Variants in PUDP observed in about 807,000 individuals in gnomAD.
The protein encoded by PUDP is pseudouridine-5'-phosphatase.
A neutral mutation model predicts 9.4 loss-of-function variants in PUDP; 8 were observed. That is an observed-to-expected ratio of 0.85 (90% CI 0.50 to 1.53). PUDP has a LOEUF of 1.53. Among genes scored for constraint, PUDP ranks in the 40% most tolerant of loss-of-function variants. The pLI is 0.00. For synonymous variants in PUDP, 99 were observed against 80.7 expected, an observed-to-expected ratio of 1.23 and a Z score of -1.22; for missense variants, 188 against 189.7, an observed-to-expected ratio of 0.99 and a Z score of 0.05.
intron 1 of PUDP, among the ~76,000 whole-genome samples, chrX:7,115,950 G>C (rs995855785): frequency 8.9e-6 from 1 of 112,526 alleles, no homozygotes; most frequent in Non-Finnish European, 1.9e-5. Flanking sequence ...TTACATTTGC[G>C]GGAAGACAAG....
chrX:7,075,473 C>A (rs1930866154), intron 3 of PUDP, among the ~76,000 whole-genome samples: 1 of 110,430 alleles, frequency 9.1e-6, no homozygotes, highest in Admixed American at 9.6e-5. Flanking sequence ...CCACTGCACT[C>A]CAACCTGGGC....
intron 1 of PUDP, among the ~76,000 whole-genome samples, chrX:7,118,824 A>AT (rs1230980562): frequency 4.5e-5 from 5 of 112,233 alleles, no homozygotes; most frequent in Admixed American, 2.8e-4. Flanking sequence ...CATGCTCAGA[A>AT]TACAATCAGT....
At chrX:7,041,081 A>T (rs921025235) in intron 1 of PUDP, among the ~76,000 whole-genome samples, 16 of 112,144 alleles carry the variant, frequency 1.4e-4, no homozygotes, top group Admixed American at 1.3e-3. Context: ...TAAACAGGCG[A>T]TGAGCAGAGT....
chrX:7,051,901 G>A (rs1362919670), intron 3 of PUDP, among the ~76,000 whole-genome samples: 2 of 112,570 alleles, frequency 1.8e-5, no homozygotes, highest in East Asian at 2.8e-4. Flanking sequence ...AGAGGTCCTC[G>A]CCATGGCGAC....
intron 1 of PUDP, among the ~76,000 whole-genome samples, chrX:7,024,591 CT>C (rs34428928): frequency 0.44 from 39,890 of 90,957 alleles, 8,989 homozygotes; most frequent in African/African-American, 0.77. Flanking sequence ...AGCCTTCTCT[CT>C]TTTTTTTTTT....
At chrX:6,899,587 A>G (rs889727814) in intron 3 of PUDP, among the ~76,000 whole-genome samples, 2 of 111,353 alleles carry the variant, frequency 1.8e-5, no homozygotes, top group African/African-American at 3.3e-5. Flanking sequence ...AAATTTTTTT[A>G]AGATTGTTAT....
At chrX:6,905,608 C>T (rs1927755601) in intron 3 of PUDP, among the ~76,000 whole-genome samples, 1 of 111,239 alleles carries the variant, frequency 9.0e-6, no homozygotes, top group African/African-American at 3.3e-5. Flanking sequence ...CCCCCATGAT[C>T]CAGTCACCTT....
At chrX:7,034,547 G>A (rs1812504218) in intron 1 of PUDP, among the ~76,000 whole-genome samples, 1 of 111,560 alleles carries the variant, frequency 9.0e-6, no homozygotes, top group Non-Finnish European at 1.9e-5. Flanking sequence ...AGAGTCTTGT[G>A]GGTATTTCTT....
chrX:7,016,552 G>A (rs1438756906), intron 1 of PUDP, among the ~76,000 whole-genome samples: 1 of 110,799 alleles, frequency 9.0e-6, no homozygotes, highest in African/African-American at 3.3e-5. Flanking sequence ...GCCAATCTGA[G>A]ACCCTTCCTG....
intron 2 of PUDP, among the ~76,000 whole-genome samples, chrX:7,095,979 C>T (rs1931560529): frequency 8.9e-6 from 1 of 111,983 alleles, no homozygotes; most frequent in South Asian, 3.7e-4. Flanking sequence ...CAAACCAAAG[C>T]AGCACAGCTT....
chrX:6,920,707 C>T (rs1168524668), intron 3 of PUDP, among the ~76,000 whole-genome samples: 1 of 111,929 alleles, frequency 8.9e-6, no homozygotes, highest in Non-Finnish European at 1.9e-5. Context: ...GTACTTCTTA[C>T]ATAAATTGAT....
At chrX:6,723,213 A>G (rs192443128), upstream of PUDP, among the ~76,000 whole-genome samples, 19 of 108,561 alleles carry the variant, frequency 1.8e-4, no homozygotes, top group East Asian at 4.9e-3. Context: ...AAAAGTATAC[A>G]TGACAGCCTG....
intron 3 of PUDP, among the ~76,000 whole-genome samples, chrX:6,969,703 C>G (rs980520393): frequency 9.0e-6 from 1 of 111,512 alleles, no homozygotes; most frequent in Non-Finnish European, 1.9e-5. Context: ...ATAGAAAGAT[C>G]CAGTGTTGAC....
At chrX:6,858,384 C>T (rs1459884168) in intron 3 of PUDP, among the ~76,000 whole-genome samples, 2 of 98,887 alleles carry the variant, frequency 2.0e-5, no homozygotes, top group African/African-American at 7.6e-5. Context: ...GGCTGGAGTG[C>T]AGTGGCACAA....
chrX:6,729,480 G>A (rs138644928), intron 3 of PUDP, among the ~76,000 whole-genome samples: 285 of 112,144 alleles, frequency 2.5e-3, no homozygotes, highest in Non-Finnish European at 4.5e-3. Flanking sequence ...GCTGTGTCAC[G>A]GACACGTGTC....
intron 1 of PUDP, among the ~76,000 whole-genome samples, chrX:6,999,868 T>C (rs951242674): frequency 1.8e-5 from 2 of 109,264 alleles, no homozygotes; most frequent in Non-Finnish European, 3.8e-5. Context: ...ACTGAAAATA[T>C]GTGTAAACAA....
Position 7,148,147 on chromosome X carries a change from AG to A in PUDP, c.-35del. ...CTTCTGGGTCTGGGTGGGGGCGAGG[AG>A]GAAGTGCGCGCGCACCCGCCCGCCC... On this transcript the variant is annotated 5_prime_UTR_variant, in exon 1 of 4. Coordinates refer to ENST00000381077, the MANE Select transcript of PUDP (RefSeq NM_012080.5). 9.7e-7 allele frequency: 1 copy of A among 1,034,796 alleles called. No individual in the cohort carries two copies. Among genetic ancestry groups the A allele is most frequent in the Non-Finnish European group, 1.3e-6 (1 of 774,734 alleles). 85.3% of individuals were successfully genotyped at this position (1,034,796 alleles called of 1,213,427 possible).
intron 1 of PUDP, among the ~76,000 whole-genome samples, chrX:7,120,924 T>C (rs1469837616): frequency 1.8e-5 from 2 of 111,958 alleles, no homozygotes; most frequent in African/African-American, 3.2e-5. Context: ...TATACAATTC[T>C]AGGAAATCTT....
intron 3 of PUDP, among the ~76,000 whole-genome samples, chrX:6,825,132 C>T (rs948958768): frequency 2.7e-5 from 3 of 111,596 alleles, no homozygotes; most frequent in Non-Finnish European, 5.6e-5. Context: ...TGGGATCCTA[C>T]AAGAGCACGC....
Sources: gnomAD v4.1 joint callset for allele counts (sites outside exome capture counted in the v4.1 genomes callset) on GRCh38, gnomAD v4.1.1 for gene constraint, MANE v1.5 for transcripts, NCBI Gene and HGNC (gene_info 2026-07-23, HGNC 2026-07-21) for gene names.